Variants in FAM178B observed in about 807,000 individuals in gnomAD.
FAM178B encodes family with sequence similarity 178 member B.
Under a neutral mutation model 91.7 loss-of-function variants are expected in FAM178B, and 82 were observed. That is an observed-to-expected ratio of 0.89 (90% CI 0.75 to 1.07). FAM178B has a LOEUF of 1.07. Among genes scored for constraint, FAM178B ranks in the 50% least tolerant of loss-of-function variants. The probability of loss-of-function intolerance (pLI) is 0.00; values close to 1 mark genes in which losing one functional copy is unlikely to be tolerated. For synonymous variants in FAM178B, 368 were observed against 359.4 expected (o/e 1.02, Z -0.27); for missense variants, 769 against 846.7 (o/e 0.91, Z 1.14).
chr2:96,980,357 T>C (rs1256768857), intron 1 of FAM178B, among the ~76,000 whole-genome samples: 1 of 151,788 alleles, frequency 6.6e-6, no homozygotes, highest in Non-Finnish European at 1.5e-5. Context: ...ATTACAGGTG[T>C]GAGCCACTGT....
intron 6 of FAM178B, among the ~76,000 whole-genome samples, chr2:96,953,378 C>A (rs1479475981): frequency 1.3e-5 from 2 of 152,174 alleles, no homozygotes; most frequent in South Asian, 4.1e-4. Context: ...AGGAGGCTGG[C>A]GCTTCAGGGA....
chr2:96,889,843 T>C (rs1574195176), intron 14 of FAM178B, among the ~76,000 whole-genome samples: 1 of 151,618 alleles, frequency 6.6e-6, no homozygotes, highest in African/African-American at 2.4e-5. Flanking sequence ...ATAATCTCGA[T>C]GGAATTGAAT....
intron 8 of FAM178B, among the ~76,000 whole-genome samples, chr2:96,937,828 C>A (rs1276922479): frequency 6.6e-6 from 1 of 152,194 alleles, no homozygotes; most frequent in East Asian, 1.9e-4. Flanking sequence ...GTGTTCGAGA[C>A]CAGCCTGGGT....
At chr2:96,885,656 T>TGGAGGGC (rs1240591801) in intron 14 of FAM178B, among the ~76,000 whole-genome samples, 3 of 152,192 alleles carry the variant, frequency 2.0e-5, no homozygotes, top group Non-Finnish European at 2.9e-5. Context: ...AAATCCTTGC[T>TGGAGGGC]GGAGGGCGGA....
At chr2:96,982,315 A>G (rs770612745) in intron 1 of FAM178B, among the ~76,000 whole-genome samples, 7 of 151,802 alleles carry the variant, frequency 4.6e-5, no homozygotes, top group Admixed American at 6.6e-5. Flanking sequence ...CCCAGGCTGG[A>G]GTATAACGGT....
At chr2:96,929,175 A>G in intron 9 of FAM178B, 31 bp downstream of exon 9, 2 of 1,418,944 alleles carry the variant, frequency 1.4e-6, no homozygotes, top group Admixed American at 3.9e-5. Context: ...AATATGAAAG[A>G]AAAAGGCAGT....
chr2:96,982,031 C>T (rs950699299), intron 1 of FAM178B, among the ~76,000 whole-genome samples: 1 of 152,040 alleles, frequency 6.6e-6, no homozygotes, highest in African/African-American at 2.4e-5. Flanking sequence ...CGCACTACTG[C>T]ACTCCAGCCT....
intron 10 of FAM178B, among the ~76,000 whole-genome samples, 196 bp from the exon 11 acceptor site, chr2:96,921,850 T>TG (rs1338297524): frequency 2.0e-5 from 3 of 152,062 alleles, no homozygotes; most frequent in Non-Finnish European, 2.9e-5. Context: ...AGAGTGTGCT[T>TG]GTCAGAGGCG....
At chr2:96,914,123 CG>C (rs1345211220) in intron 12 of FAM178B, among the ~76,000 whole-genome samples, 1 of 152,138 alleles carries the variant, frequency 6.6e-6, no homozygotes, top group Non-Finnish European at 1.5e-5. Flanking sequence ...GGGAGATGGA[CG>C]GGGCCCTCCC....
Position 96,986,398 on chromosome 2 carries a change from A to G in FAM178B, c.-85T>C, listed in dbSNP as rs954871104. ...GAGGACGGGGCCAGCTAGCCGGGAA[A>G]GGAAGCAGGAGCAGGCTCCCCAGGC... On this transcript the variant is annotated 5_prime_UTR_variant, in exon 1 of 17. Transcript: ENST00000490605. 1.9e-5 allele frequency: 28 copies of G among 1,464,896 alleles called. No homozygotes were observed. The highest frequency in any genetic ancestry group is 1.9e-5 in the Non-Finnish European group (21 of 1,107,434). 90.7% of individuals were successfully genotyped at this position (1,464,896 alleles called of 1,614,324 possible).
rs555030012 is a variant in FAM178B at position 96,947,782 on chromosome 2, A to G, written c.1078+36T>C. The G allele has an allele frequency of 1.7e-5, 21 of 1,240,152 alleles. No individual in the cohort carries two copies. The East Asian group carries it at 2.8e-4, about 16-fold the overall frequency. 76.8% of individuals were successfully genotyped at this position (1,240,152 alleles called of 1,614,324 possible). A position where few individuals can be genotyped will look rare whatever the true frequency, so the allele number is the denominator to read the frequency against. ...TCACGTATCACAGGCTTGGGAGCTC[A>G]GTGCGCCAATCTCCACCCTGCATCC... On this transcript the variant is annotated intron_variant, in intron 8 of 16. Coordinates refer to ENST00000490605, the MANE Select transcript of FAM178B (RefSeq NM_001122646.3).
intron 14 of FAM178B, among the ~76,000 whole-genome samples, chr2:96,883,920 T>C (rs2080452180): frequency 1.3e-5 from 2 of 152,090 alleles, no homozygotes; most frequent in Admixed American, 6.5e-5. Flanking sequence ...GGAGAAGCAT[T>C]CTGCCTTGGT....
At chr2:96,965,372 C>A (rs1261649974) in intron 5 of FAM178B, among the ~76,000 whole-genome samples, 1 of 152,088 alleles carries the variant, frequency 6.6e-6, no homozygotes, top group Non-Finnish European at 1.5e-5. Context: ...CTCCAAGTAG[C>A]CTCCCTGATC....
chr2:96,970,728 A>G lies in FAM178B; in HGVS notation c.614T>C (p.Leu205Pro). The change falls in exon 4 of 17, where the codon CTG becomes CCG. Residue 205 changes from leucine to proline, a missense_variant. Physicochemically the swap from Leu to Pro is moderately conservative, Grantham distance 98. Transcript: ENST00000490605. ...GCCCTGTGCTCACCTCTTCTCCTGCAGTAAGTAGTCCAGGTTGTTGAAGTA... is the reference window on the plus strand; with the variant it reads ...GCCCTGTGCTCACCTCTTCTCCTGCGGTAAGTAGTCCAGGTTGTTGAAGTA... The part of the protein sequence containing the change: ...GSYFNNLDYL[L>P]QEKREQALEQ... The G allele has an allele frequency of 6.4e-7, 1 of 1,551,352 alleles. No homozygotes were observed. Among genetic ancestry groups the G allele is most frequent in the Non-Finnish European group, 8.7e-7 (1 of 1,146,764 alleles).
rs1356300432 is a variant in FAM178B, at chr2:96,921,172, G to T, written c.1555C>A (p.Arg519=). 1.9e-6 allele frequency: 3 copies of T among 1,551,282 alleles called. No homozygotes were observed. The highest frequency in any genetic ancestry group is 1.4e-5 in the African/African-American group (1 of 73,008). The change falls in exon 12 of 17, where the codon CGG becomes AGG. Residue 519 remains arginine (R), a synonymous_variant. Coordinates refer to ENST00000490605, the MANE Select transcript of FAM178B (RefSeq NM_001122646.3). Reference sequence around the variant, plus strand: ...CGGGGGAGCAGCACGCACCTGCTCCGGGAGGTCATGTCTGGGAAGAACTGC... The same window carrying T: ...CGGGGGAGCAGCACGCACCTGCTCCTGGAGGTCATGTCTGGGAAGAACTGC... The part of the protein sequence containing the change: ...LVQFFPDMTS[R]SRRLRSQLSL...
intron 4 of FAM178B, 83 bp downstream of exon 4, chr2:96,970,633 G>A (rs2153375673): frequency 9.1e-6 from 10 of 1,103,902 alleles, no homozygotes; most frequent in Non-Finnish European, 1.2e-5. Flanking sequence ...GCTGTACTCC[G>A]ACCAGACTCT....
At chr2:96,983,225 T>C (rs1167059623) in intron 1 of FAM178B, among the ~76,000 whole-genome samples, 1 of 152,062 alleles carries the variant, frequency 6.6e-6, no homozygotes, top group Non-Finnish European at 1.5e-5. Context: ...TTTATGTACA[T>C]ATGTGTACAT....
chr2:96,929,168 A>C (rs1559079488), intron 9 of FAM178B, 38 bp downstream of exon 9: 1 of 1,389,514 alleles, frequency 7.2e-7, no homozygotes, highest in Non-Finnish European at 1.0e-6. Flanking sequence ...CTTAAAAAAT[A>C]TGAAAGAAAA....
At chr2:96,944,610 G>A (rs2081791516) in intron 8 of FAM178B, among the ~76,000 whole-genome samples, 1 of 152,200 alleles carries the variant, frequency 6.6e-6, no homozygotes, top group Admixed American at 6.5e-5. Context: ...CCAGAGCCCT[G>A]AGACTGCGCA....
Sources: gnomAD v4.1 joint callset for allele counts (sites outside exome capture counted in the v4.1 genomes callset) on GRCh38, gnomAD v4.1.1 for gene constraint, MANE v1.5 for transcripts, NCBI Gene and HGNC (gene_info 2026-07-23, HGNC 2026-07-21) for gene names.